FAM110B: variants seen among roughly 807,000 people sequenced by gnomAD.
The protein encoded by FAM110B is protein FAM110B.
Under a neutral mutation model 20.4 loss-of-function variants are expected in FAM110B, and 6 were observed. That is an observed-to-expected ratio of 0.29 (90% CI 0.16 to 0.58). The LOEUF (loss-of-function observed/expected upper bound fraction) is 0.58, where lower values mean the gene tolerates loss of function less well. FAM110B is among the 20% of genes least tolerant of loss of function. FAM110B has a pLI of 0.90. For missense variants in FAM110B, 434 were observed against 498.2 expected, an observed-to-expected ratio of 0.87 and a Z score of 1.23; for synonymous variants, 226 against 214.1, an observed-to-expected ratio of 1.06 and a Z score of -0.49.
At chr8:57,999,588 T>C (rs1386971040) in intron 1 of FAM110B, among the ~76,000 whole-genome samples, 2 of 152,166 alleles carry the variant, frequency 1.3e-5, no homozygotes, top group East Asian at 3.8e-4. Context: ...AAGAACATAG[T>C]TTACTAAGTT....
intron 2 of FAM110B, among the ~76,000 whole-genome samples, chr8:58,062,669 C>T (rs947466687): frequency 6.6e-6 from 1 of 152,146 alleles, no homozygotes; most frequent in African/African-American, 2.4e-5. Flanking sequence ...ACTCGATTCC[C>T]ACTATAGTGG....
intron 3 of FAM110B, among the ~76,000 whole-genome samples, chr8:58,092,838 G>A (rs1379153309): frequency 6.6e-6 from 1 of 152,150 alleles, no homozygotes; most frequent in Non-Finnish European, 1.5e-5. Context: ...TTCCACAATG[G>A]TTGAACTAAT....
At chr8:58,054,138 T>TATTC in intron 2 of FAM110B, among the ~76,000 whole-genome samples, 2 of 151,954 alleles carry the variant, frequency 1.3e-5, no homozygotes, top group African/African-American at 4.8e-5. Flanking sequence ...GATGACAGTC[T>TATTC]ACACATCCAA....
In FAM110B at chr8:58,146,342, C is replaced by A; in HGVS notation, c.112C>A (p.Arg38Ser). 4 of 1,614,044 alleles carry A rather than the reference C, an allele frequency of 2.5e-6. No homozygotes were observed. The highest frequency in any genetic ancestry group is 3.4e-6 in the Non-Finnish European group (4 of 1,179,988). Residue 38 changes from arginine to serine, a missense_variant, in exon 4 of 4, where the codon CGC becomes AGC. By Grantham distance (110) the Arg-to-Ser change is moderately radical. Coordinates refer to ENST00000519262, the MANE Select transcript of FAM110B (RefSeq NM_001377989.1). ...RILNKGPDYFRRQAEPNPKRL... is the reference protein window; with the variant it reads ...RILNKGPDYFSRQAEPNPKRL... ...CCTGAACAAGGGGCCAGACTACTTC[C>A]GCAGGCAGGCCGAGCCCAACCCCAA...
chr8:57,999,086 G>T (rs1263376416), intron 1 of FAM110B, among the ~76,000 whole-genome samples: 1 of 152,190 alleles, frequency 6.6e-6, no homozygotes, highest in East Asian at 1.9e-4. Flanking sequence ...TTTAGTAGGT[G>T]AAGCAAATTA....
At chr8:58,115,293 A>G (rs1807173673) in intron 3 of FAM110B, among the ~76,000 whole-genome samples, 1 of 152,230 alleles carries the variant, frequency 6.6e-6, no homozygotes, top group African/African-American at 2.4e-5. Flanking sequence ...AACGAATTCT[A>G]TACACAGCAC....
chr8:58,019,512 T>C (rs1473762711), intron 1 of FAM110B, among the ~76,000 whole-genome samples: 1 of 152,118 alleles, frequency 6.6e-6, no homozygotes, highest in South Asian at 2.1e-4. Context: ...TGAAGAACTT[T>C]CTCTATTGTT....
At position 58,134,772 on chromosome 8, in the gene FAM110B, G is replaced by A. The variant is rs1020230093; in HGVS notation, c.-324-11135G>A. ...CTTTGACAGATCCACAGTCAGCAGC[G>A]TAAAGAAGGAAAATTTAAAATGAAC... On this transcript the variant is annotated intron_variant, in intron 3 of 3. Transcript: ENST00000519262. Among the ~76,000 whole-genome samples the A allele has an allele frequency of 5.3e-5, 8 of 152,090 alleles. No individual in the cohort carries two copies. In the East Asian group the frequency reaches 7.7e-4, roughly 15 times the overall value.
At chr8:58,046,644 G>A (rs1397946507) in intron 2 of FAM110B, among the ~76,000 whole-genome samples, 1 of 152,176 alleles carries the variant, frequency 6.6e-6, no homozygotes, top group African/African-American at 2.4e-5. Context: ...CTCCCTTAGA[G>A]CAGGAATCTA....
At chr8:58,080,916 G>A (rs904597834) in intron 3 of FAM110B, among the ~76,000 whole-genome samples, 2 of 152,138 alleles carry the variant, frequency 1.3e-5, no homozygotes, top group African/African-American at 4.8e-5. Context: ...AGTTCTCTAT[G>A]ATACATTTAA....
chr8:58,006,647 G>A (rs1322316666), intron 1 of FAM110B, among the ~76,000 whole-genome samples: 1 of 150,758 alleles, frequency 6.6e-6, no homozygotes, highest in Non-Finnish European at 1.5e-5. Flanking sequence ...CTGTCACCCA[G>A]GCTGGAGTGC....
chr8:58,068,181 T>C (rs1057144340), intron 2 of FAM110B, among the ~76,000 whole-genome samples: 7 of 152,222 alleles, frequency 4.6e-5, no homozygotes, highest in East Asian at 1.9e-4. Flanking sequence ...AGCTGTGCCT[T>C]AGGCCAAATC....
Position 58,084,394 on chromosome 8 carries a change from T to C in FAM110B, c.-325+8771T>C, listed in dbSNP as rs986708437. Among the ~76,000 whole-genome samples the C allele has an allele frequency of 1.5e-4, 17 of 116,612 alleles. 1 individual carries two copies. The South Asian group carries it at 4.5e-3, about 31-fold the overall frequency. 76.5% of individuals were successfully genotyped at this position (116,612 alleles called of 152,430 possible). On this transcript the variant is annotated intron_variant, in intron 3 of 3. Transcript: ENST00000519262. ...CAGTGGACTTGAATCTCCATTTTCC[T>C]TTTTTTTTTTTTTTGAGACGGAGTC...
chr8:57,999,044 T>G (rs923233999), intron 1 of FAM110B, among the ~76,000 whole-genome samples: 2 of 152,114 alleles, frequency 1.3e-5, no homozygotes, highest in South Asian at 4.1e-4. Flanking sequence ...AGCCTTGTTT[T>G]TTGTTGTTGT....
At chr8:58,047,591 C>CTCTCTCTCTCTCTCT (rs370290365) in intron 2 of FAM110B, among the ~76,000 whole-genome samples, 1 of 74,646 alleles carries the variant, frequency 1.3e-5, no homozygotes, top group Non-Finnish European at 3.0e-5. Context: ...CTTCCTTTTT[C>CTCTCTCTCTCTCTCT]CTCTCTCTCT....
chr8:58,133,522 A>G (rs1803538607), intron 3 of FAM110B, among the ~76,000 whole-genome samples: 1 of 152,150 alleles, frequency 6.6e-6, no homozygotes, highest in African/African-American at 2.4e-5. Context: ...GCCCAGGAGG[A>G]AGGATGGGAC....
Position 58,110,306 on chromosome 8 carries a change from A to G in FAM110B, c.-325+34683A>G, listed in dbSNP as rs569843079. Among the ~76,000 whole-genome samples the G allele has an allele frequency of 9.2e-5, 14 of 152,300 alleles. No individual in the cohort carries two copies. In the South Asian group the frequency reaches 2.7e-3, roughly 29 times the overall value. ...TACTACTAAATGCTATGATTAGAAA[A>G]AGGAGAAGGAAATCTGTATTTATAT... is the stretch of plus-strand genomic sequence containing the variant. On this transcript the variant is annotated intron_variant, in intron 3 of 3. Coordinates refer to ENST00000519262, the MANE Select transcript of FAM110B (RefSeq NM_001377989.1).
rs1803857965 is a variant in FAM110B, at chr8:58,146,166, A to G, written c.-65A>G. On this transcript the variant is annotated 5_prime_UTR_variant, in exon 4 of 4. Coordinates refer to ENST00000519262, the MANE Select transcript of FAM110B (RefSeq NM_001377989.1). ...CTTGGCGCTTCATGTACATGTGTCT[A>G]TTCAGGCCTTGCGGAGGCGCCCAGA... The G allele has an allele frequency of 3.9e-6, 6 of 1,525,892 alleles. No individual in the cohort carries two copies. The highest frequency in any genetic ancestry group is 5.3e-6 in the Non-Finnish European group (6 of 1,136,046). 94.5% of individuals were successfully genotyped at this position (1,525,892 alleles called of 1,614,324 possible). A position where few individuals can be genotyped will look rare whatever the true frequency, so the allele number is the denominator to read the frequency against.
In FAM110B at chr8:58,107,854, A is replaced by G. The variant is rs562731004; in HGVS notation, c.-325+32231A>G. Among the ~76,000 whole-genome samples the G allele has an allele frequency of 2.0e-5, 3 of 152,344 alleles. No individual in the cohort carries two copies. In the East Asian group the frequency reaches 5.8e-4, roughly 29 times the overall value. On this transcript the variant is annotated intron_variant, in intron 3 of 3. Coordinates refer to ENST00000519262, the MANE Select transcript of FAM110B (RefSeq NM_001377989.1). The stretch of plus-strand genomic sequence containing the variant: ...CATGCTTGGTTACATACCGTAATGA[A>G]AAGCCTTGTTTGGGGAACATTTGTG...
Sources: allele counts gnomAD v4.1 joint callset (sites outside exome capture counted in the v4.1 genomes callset), GRCh38; gene constraint gnomAD v4.1.1; transcripts MANE v1.5; gene names NCBI Gene and HGNC (gene_info 2026-07-23, HGNC 2026-07-21).